Variants in SLC13A2 observed in about 807,000 individuals in gnomAD.
SLC13A2 encodes Na(+)-coupled citrate transporter.
Under a neutral mutation model 58.5 loss-of-function variants are expected in SLC13A2, and 40 were observed. That is an observed-to-expected ratio of 0.68 (90% CI 0.53 to 0.89). SLC13A2 has a LOEUF of 0.89. SLC13A2 is among the 40% of genes least tolerant of loss of function. SLC13A2 has a pLI of 0.00. For missense variants in SLC13A2, 694 were observed against 772.6 expected (o/e 0.90, Z 1.21); for synonymous variants, 341 against 331.6 (o/e 1.03, Z -0.31).
At chr17:28,478,578 G>A (rs1343394560) in intron 1 of SLC13A2, among the ~76,000 whole-genome samples, 1 of 152,142 alleles carries the variant, frequency 6.6e-6, no homozygotes, top group African/African-American at 2.4e-5. Context: ...CAGCAGAACA[G>A]GTGAATGGAA....
chr17:28,490,265 C>A (rs781958187), intron 2 of SLC13A2, 189 bp from the exon 3 acceptor site: 5 of 1,520,444 alleles, frequency 3.3e-6, no homozygotes, highest in Non-Finnish European at 4.4e-6. Context: ...CAGAGCCAGA[C>A]CCTGTCTCCA....
At chr17:28,491,938 A>T in intron 6 of SLC13A2, 86 bp downstream of exon 6, 1 of 1,525,524 alleles carries the variant, frequency 6.6e-7, no homozygotes, top group East Asian at 2.3e-5. Flanking sequence ...GGAAAATGAT[A>T]TTATCACCAT....
chr17:28,483,042 C>T (rs1050879696), intron 1 of SLC13A2, among the ~76,000 whole-genome samples: 1 of 152,202 alleles, frequency 6.6e-6, no homozygotes, highest in Non-Finnish European at 1.5e-5. Context: ...CCTGTCCCCA[C>T]CCTTGGGTTA....
intron 10 of SLC13A2, 147 bp downstream of exon 10, chr17:28,495,963 G>T: frequency 9.1e-7 from 1 of 1,100,732 alleles, no homozygotes; most frequent in Non-Finnish European, 1.3e-6. Flanking sequence ...CCTTCTCCAG[G>T]CTCTTGAGCC....
chr17:28,497,319 C>A lies in SLC13A2; in HGVS notation c.*50C>A. ...CAGGAAGACCCACCCCATTCCCACT[C>A]CTCTGAGCCCGGAGGGGACACCCCA... On this transcript the variant is annotated 3_prime_UTR_variant, in exon 12 of 12. Coordinates refer to ENST00000314669, the MANE Select transcript of SLC13A2 (RefSeq NM_003984.4). 1 of 1,566,590 alleles carries A rather than the reference C, an allele frequency of 6.4e-7. No individual in the cohort carries two copies.
Position 28,473,656 on chromosome 17 carries a change from C to A in SLC13A2, c.-57C>A. On this transcript the variant is annotated 5_prime_UTR_variant, in exon 1 of 12. Transcript: ENST00000314669. ...TGCCTGCTTGGCTGCATCTTTGGTC[C>A]TTCTGTTACCCAGCTCCTGGAGGCA... 1 of 1,365,374 alleles carries A rather than the reference C, an allele frequency of 7.3e-7. No individual in the cohort carries two copies. Among genetic ancestry groups the A allele is most frequent in the Non-Finnish European group, 1.0e-6 (1 of 964,104 alleles). The allele number at this position is 1,365,374 out of a possible 1,614,324, so 84.6% of individuals were successfully genotyped here. A position where few individuals can be genotyped will look rare whatever the true frequency, so the allele number is the denominator to read the frequency against.
At chr17:28,476,941 G>T (rs1351501013) in intron 1 of SLC13A2, among the ~76,000 whole-genome samples, 1 of 151,860 alleles carries the variant, frequency 6.6e-6, no homozygotes, top group Non-Finnish European at 1.5e-5. Context: ...TGGATCACTT[G>T]AGGTCAGGAG....
At position 28,480,168 on chromosome 17, in the gene SLC13A2, G is replaced by A. The variant is rs1457573452; in HGVS notation, c.102+6354G>A. 2.3e-3 allele frequency among the ~76,000 whole-genome samples: 344 copies of A among 150,080 alleles called. 1 individual carries two copies. The highest frequency in any genetic ancestry group is 3.7e-3 in the Non-Finnish European group (248 of 67,400). On this transcript the variant is annotated intron_variant, in intron 1 of 11. Coordinates refer to ENST00000314669, the MANE Select transcript of SLC13A2 (RefSeq NM_003984.4). ...GACTCTGTCTCAAAAAAAAAAAAAA[G>A]GGGGGGTCAAAAAAATTAGCTGGGC...
chr17:28,496,029 C>A lies in SLC13A2; in HGVS notation c.1470+213C>A, dbSNP rs78843116. The stretch of plus-strand genomic sequence containing the variant: ...ACTCACCCCGTCCCTCATGATGTCA[C>A]CCCTGGAGTATCCTGATGGGGATCC... On this transcript the variant is annotated intron_variant, in intron 10 of 11. Coordinates refer to ENST00000314669, the MANE Select transcript of SLC13A2 (RefSeq NM_003984.4). This position sits in a 1 kb window ranked among gnomAD's most constrained non-coding sequence, Gnocchi z 4.2. Among the ~76,000 whole-genome samples, 72 of 152,216 alleles carry A rather than the reference C, an allele frequency of 4.7e-4. 1 individual carries two copies. The East Asian group carries it at 0.011, about 23-fold the overall frequency.
intron 10 of SLC13A2, 90 bp downstream of exon 10, chr17:28,495,906 T>C: frequency 7.0e-7 from 1 of 1,434,750 alleles, no homozygotes; most frequent in Non-Finnish European, 9.5e-7. Flanking sequence ...ATCCTGTCTT[T>C]GCACCTCCTC....
rs1259048554 is a variant in SLC13A2 at position 28,490,487 on chromosome 17, C to T, written c.265C>T (p.Leu89=). 4 of 1,614,144 alleles carry T rather than the reference C, an allele frequency of 2.5e-6. No individual in the cohort carries two copies. Among genetic ancestry groups the T allele is most frequent in the Non-Finnish European group, 3.4e-6 (4 of 1,180,032 alleles). Residue 89 remains leucine (L), a synonymous_variant, in exon 3 of 12, where the codon CTG becomes TTG. Transcript: ENST00000314669. ...AVEYLKDSNL[L]FFGGLLVAIA... The stretch of plus-strand genomic sequence containing the variant: ...CGAGTATCTTAAGGACTCCAACCTC[C>T]TGTTCTTCGGGGGGCTGCTGGTGGC...
chr17:28,495,647 G>T lies in SLC13A2; in HGVS notation c.1309-8G>T, dbSNP rs192307606. On this transcript the variant is annotated splice_polypyrimidine_tract_variant and splice_region_variant and intron_variant, in intron 9 of 11. Transcript: ENST00000314669. ...TGCCTCTCACATGCCATCCTCCTCT[G>T]CCCACAGCGATCGGGCCTGTCAGAG... 1 of 1,607,094 alleles carries T rather than the reference G, an allele frequency of 6.2e-7. No homozygotes were observed. The highest frequency in any genetic ancestry group is 8.5e-7 in the Non-Finnish European group (1 of 1,179,366).
Position 28,494,614 on chromosome 17 carries a change from C to T in SLC13A2, c.1308+102C>T. 6.5e-7 allele frequency: 1 copy of T among 1,528,200 alleles called. No homozygotes were observed. Among genetic ancestry groups the T allele is most frequent in the Admixed American group, 1.9e-5 (1 of 51,652 alleles). 94.7% of individuals were successfully genotyped at this position (1,528,200 alleles called of 1,614,324 possible). ...TCCCACAGAGGGGAGACCTGGTCCC[C>T]ACGTAGGAGCCTCTCGGGTAGGCAG... On this transcript the variant is annotated intron_variant, in intron 9 of 11. Transcript: ENST00000314669. The surrounding 1 kb of genome is among the most constrained non-coding windows in gnomAD (Gnocchi z 4.0).
rs782431803 is a variant in SLC13A2 at position 28,493,613 on chromosome 17, A to G, written c.921A>G (p.Gln307=). 8.1e-6 allele frequency: 13 copies of G among 1,611,722 alleles called. No individual in the cohort carries two copies. Among genetic ancestry groups the G allele is most frequent in the Non-Finnish European group, 1.1e-5 (13 of 1,178,100 alleles). The part of the protein sequence containing the change: ...NFGIGEKMQE[Q]QQAAYCVIQT... Reference sequence around the variant, plus strand: ...GCATTGGGGAAAAGATGCAGGAGCAACAGCAGGCAGCCTACTGCGTCATCC... The same window carrying G: ...GCATTGGGGAAAAGATGCAGGAGCAGCAGCAGGCAGCCTACTGCGTCATCC... The change falls in exon 7 of 12, where the codon CAA becomes CAG. Residue 307 remains glutamine, a synonymous_variant. Coordinates refer to ENST00000314669, the MANE Select transcript of SLC13A2 (RefSeq NM_003984.4).
At chr17:28,474,360 C>T (rs1449120541) in intron 1 of SLC13A2, among the ~76,000 whole-genome samples, 3 of 152,152 alleles carry the variant, frequency 2.0e-5, no homozygotes, top group Admixed American at 6.5e-5. Flanking sequence ...GGGACCGCTG[C>T]AGGTAGACAG....
chr17:28,481,353 A>AT (rs1409474203), intron 1 of SLC13A2, among the ~76,000 whole-genome samples: 1 of 152,226 alleles, frequency 6.6e-6, no homozygotes, highest in Non-Finnish European at 1.5e-5. Context: ...GTGCAAATCA[A>AT]TGAAGGACAC....
At chr17:28,478,146 G>T (rs1201175240) in intron 1 of SLC13A2, among the ~76,000 whole-genome samples, 1 of 152,208 alleles carries the variant, frequency 6.6e-6, no homozygotes, top group Non-Finnish European at 1.5e-5. Flanking sequence ...GCCAGTGTGG[G>T]GAAGCAATTT....
At chr17:28,489,100 C>T (rs2068947885) in intron 1 of SLC13A2, 114 bp from the exon 2 acceptor site, 1 of 1,255,122 alleles carries the variant, frequency 8.0e-7, no homozygotes, top group Admixed American at 2.1e-5. Context: ...CTGTGGGTTT[C>T]ACAGGCTCTC....
intron 1 of SLC13A2, among the ~76,000 whole-genome samples, chr17:28,475,295 G>T (rs527831678): frequency 1.1e-4 from 17 of 152,114 alleles, no homozygotes; most frequent in African/African-American, 4.1e-4. Flanking sequence ...TCTGTGCACC[G>T]TATCTGGCCC....
Sources: allele counts gnomAD v4.1 joint callset (sites outside exome capture counted in the v4.1 genomes callset), GRCh38; gene constraint gnomAD v4.1.1; non-coding constraint Gnocchi (gnomAD v3.1); transcripts MANE v1.5; gene names NCBI Gene and HGNC (gene_info 2026-07-23, HGNC 2026-07-21).